The following STXBP5L variants were observed in gnomAD, a reference collection of about 807,000 sequenced individuals.
The protein encoded by STXBP5L is syntaxin-binding protein 5-like.
STXBP5L carries 65 observed loss-of-function variants against 144.5 expected under a neutral mutation model. That is an observed-to-expected ratio of 0.45 (90% confidence interval 0.37 to 0.55). The LOEUF (loss-of-function observed/expected upper bound fraction) is 0.55, where lower values mean the gene tolerates loss of function less well. Among genes scored for constraint, STXBP5L ranks in the 20% least tolerant of loss-of-function variants. The probability of loss-of-function intolerance (pLI) is 0.00; values close to 1 mark genes in which losing one functional copy is unlikely to be tolerated. For synonymous variants in STXBP5L, 505 were observed against 469.6 expected, an observed-to-expected ratio of 1.08 and a Z score of -0.97; for missense variants, 1,298 against 1,405.5, an observed-to-expected ratio of 0.92 and a Z score of 1.22.
intron 3 of STXBP5L, among the ~76,000 whole-genome samples, chr3:121,013,483 G>A (rs1282591886): frequency 6.6e-6 from 1 of 151,916 alleles, no homozygotes; most frequent in Non-Finnish European, 1.5e-5. Flanking sequence ...TTGGGTGCTT[G>A]TATGTCTTCT....
chr3:121,278,018 C>G (rs1450233813), intron 18 of STXBP5L, among the ~76,000 whole-genome samples: 1 of 151,978 alleles, frequency 6.6e-6, no homozygotes, highest in Non-Finnish European at 1.5e-5. Flanking sequence ...TTCTGCAAAT[C>G]TCTGGTATTC....
chr3:120,961,228 G>A (rs1462340170), intron 3 of STXBP5L, among the ~76,000 whole-genome samples: 3 of 135,588 alleles, frequency 2.2e-5, no homozygotes, highest in Non-Finnish European at 4.7e-5. Flanking sequence ...ACATCTCTTT[G>A]TTCACTGAGG....
chr3:120,929,602 C>T (rs1010252439), intron 2 of STXBP5L, among the ~76,000 whole-genome samples: 4 of 151,944 alleles, frequency 2.6e-5, no homozygotes, highest in South Asian at 2.1e-4. Context: ...CATCTGTGGG[C>T]ATTAAACCTT....
At chr3:121,030,191 G>A (rs559727978) in intron 3 of STXBP5L, among the ~76,000 whole-genome samples, 29 of 152,224 alleles carry the variant, frequency 1.9e-4, no homozygotes, top group Middle Eastern at 6.8e-3. Flanking sequence ...TATACCCAAA[G>A]GATTATAAAT....
chr3:121,267,582 C>CTTCT (rs1224659852), intron 18 of STXBP5L, among the ~76,000 whole-genome samples: 2 of 152,172 alleles, frequency 1.3e-5, no homozygotes, highest in African/African-American at 4.8e-5. Context: ...AACTAAAGAG[C>CTTCT]TTCTGCACAG....
chr3:121,063,374 A>T (rs1170583335), intron 5 of STXBP5L, among the ~76,000 whole-genome samples: 2 of 152,176 alleles, frequency 1.3e-5, no homozygotes, highest in Admixed American at 1.3e-4. Flanking sequence ...TGTAAGCTTC[A>T]TCCCAAAGGG....
intron 3 of STXBP5L, among the ~76,000 whole-genome samples, chr3:120,984,104 A>G (rs1289376555): frequency 6.6e-6 from 1 of 152,072 alleles, no homozygotes; most frequent in Non-Finnish European, 1.5e-5. Context: ...ATGGGATGGG[A>G]CTGGAGTAGG....
At chr3:121,300,756 T>C (rs552180380) in intron 19 of STXBP5L, among the ~76,000 whole-genome samples, 1 of 151,760 alleles carries the variant, frequency 6.6e-6, no homozygotes, top group East Asian at 1.9e-4. Context: ...GGGGACAAAC[T>C]GAAAACAATT....
rs760154570 is a variant in STXBP5L at position 121,418,535 on chromosome 3, C to T, written c.3425C>T (p.Ala1142Val). The change falls in exon 26 of 27, where the codon GCA becomes GTA. Residue 1142 changes from alanine to valine, a missense_variant. By Grantham distance (64) the Ala-to-Val change is moderately conservative. Coordinates refer to ENST00000471454, the MANE Select transcript of STXBP5L (RefSeq NM_001308330.2). ...GCAGGCATGATGACCAGTGCAGAAGCATTTTCCAAACATGCACATGAGGTA... is the reference window on the plus strand; with the variant it reads ...GCAGGCATGATGACCAGTGCAGAAGTATTTTCCAAACATGCACATGAGGTA... ...KTAGMMTSAEAFSKHAHELML... is the reference protein window; with the variant it reads ...KTAGMMTSAEVFSKHAHELML... 1.9e-6 allele frequency: 3 copies of T among 1,613,978 alleles called. No individual in the cohort carries two copies. In the South Asian group the frequency reaches 3.3e-5, roughly 18 times the overall value.
intron 10 of STXBP5L, among the ~76,000 whole-genome samples, chr3:121,211,434 G>A (rs1220317068): frequency 6.6e-6 from 1 of 152,084 alleles, no homozygotes; most frequent in Non-Finnish European, 1.5e-5. Flanking sequence ...TCTCCTGCCT[G>A]ATTGCCCTGG....
At chr3:120,965,547 C>G (rs974879123) in intron 3 of STXBP5L, among the ~76,000 whole-genome samples, 1 of 152,140 alleles carries the variant, frequency 6.6e-6, no homozygotes, top group Non-Finnish European at 1.5e-5. Flanking sequence ...CCTAGTTTGG[C>G]TGGATATGAT....
chr3:121,383,005 G>C (rs12107515), intron 22 of STXBP5L, among the ~76,000 whole-genome samples: 23,322 of 152,074 alleles, frequency 0.15, 1,899 homozygotes, highest in Middle Eastern at 0.19. Context: ...TCATTGGCTA[G>C]GCACAGTGGC....
chr3:121,011,879 G>C (rs1044636485), intron 3 of STXBP5L, among the ~76,000 whole-genome samples: 1 of 151,742 alleles, frequency 6.6e-6, no homozygotes, highest in Non-Finnish European at 1.5e-5. Context: ...TGTTCACGGG[G>C]TTGTGCAATA....
In STXBP5L at chr3:120,983,354, G is replaced by T. The variant is rs147518831; in HGVS notation, c.287+28317G>T. Among the ~76,000 whole-genome samples, 86 of 152,236 alleles carry T rather than the reference G, an allele frequency of 5.6e-4. 1 individual carries two copies. The East Asian group carries it at 0.011, about 20-fold the overall frequency. ...ATCAGCAAAGTCAAGCAGTTATGGG[G>T]TGCTCAGTTTGCTCACTTCTCTGTC... is the stretch of plus-strand genomic sequence containing the variant. On this transcript the variant is annotated intron_variant, in intron 3 of 26. Transcript: ENST00000471454.
intron 3 of STXBP5L, among the ~76,000 whole-genome samples, chr3:121,021,605 C>T (rs1945559281): frequency 1.3e-5 from 2 of 152,072 alleles, no homozygotes; most frequent in Admixed American, 1.3e-4. Flanking sequence ...AAATCATCTT[C>T]AAAAGGAACC....
At chr3:120,967,906 A>T (rs7634353) in intron 3 of STXBP5L, among the ~76,000 whole-genome samples, 15,121 of 152,116 alleles carry the variant, frequency 0.099, 1,182 homozygotes, top group Admixed American at 0.2. Context: ...GATTTTGTAC[A>T]GTTTCTGATA....
intron 9 of STXBP5L, among the ~76,000 whole-genome samples, 187 bp from the exon 10 acceptor site, chr3:121,205,736 A>G (rs2048310132): frequency 6.6e-6 from 1 of 152,152 alleles, no homozygotes; most frequent in African/African-American, 2.4e-5. Context: ...CAATTATTGC[A>G]ACTCTAAAGA....
At chr3:121,006,779 G>C (rs910268527) in intron 3 of STXBP5L, among the ~76,000 whole-genome samples, 2 of 152,096 alleles carry the variant, frequency 1.3e-5, no homozygotes, top group East Asian at 1.9e-4. Context: ...TTGCTTGTCT[G>C]TGAAGGATTT....
At chr3:121,071,110 T>A in intron 5 of STXBP5L, among the ~76,000 whole-genome samples, 1 of 152,152 alleles carries the variant, frequency 6.6e-6, no homozygotes, top group Non-Finnish European at 1.5e-5. Context: ...ATGACAGACA[T>A]CCTGGTCCCC....
Sources: allele counts gnomAD v4.1 joint callset (sites outside exome capture counted in the v4.1 genomes callset), GRCh38; gene constraint gnomAD v4.1.1; transcripts MANE v1.5; gene names NCBI Gene and HGNC (gene_info 2026-07-23, HGNC 2026-07-21).